The following TENM3 variants were observed in gnomAD, a reference collection of about 807,000 sequenced individuals.
TENM3 encodes teneurin transmembrane protein 3, also known as teneurin-3.
TENM3 carries 63 observed loss-of-function variants against 255.1 expected under a neutral mutation model. That is an observed-to-expected ratio of 0.25 (90% CI 0.20 to 0.30). TENM3 has a LOEUF of 0.30. Ranked by LOEUF, TENM3 falls within the 10% of genes least tolerant of loss-of-function variation. The probability of loss-of-function intolerance (pLI) is 1.00; values close to 1 mark genes in which losing one functional copy is unlikely to be tolerated. For synonymous variants in TENM3, 1,306 were observed against 1,322.3 expected, an observed-to-expected ratio of 0.99 and a Z score of 0.27; for missense variants, 2,929 against 3,461.1, an observed-to-expected ratio of 0.85 and a Z score of 3.86.
chr4:182,789,461 A>G lies in TENM3; in HGVS notation c.5601+72A>G. 1 of 1,410,292 alleles carries G rather than the reference A, an allele frequency of 7.1e-7. No homozygotes were observed. Among genetic ancestry groups the G allele is most frequent in the Non-Finnish European group, 9.6e-7 (1 of 1,041,342 alleles). The allele number at this position is 1,410,292 out of a possible 1,614,324, so 87.4% of individuals were successfully genotyped here. ...TTTTTCAGCAATCATCCAGAGCACT[A>G]AGGGGAAAAAAAACAGTGGCACATG... On this transcript the variant is annotated intron_variant, in intron 25 of 27. Coordinates refer to ENST00000511685, the MANE Select transcript of TENM3 (RefSeq NM_001080477.4). The surrounding 1 kb of genome is among the most constrained non-coding windows in gnomAD (Gnocchi z 4.4).
chr4:182,725,591 G>T (rs1323379009), intron 13 of TENM3, among the ~76,000 whole-genome samples: 2 of 150,170 alleles, frequency 1.3e-5, no homozygotes, highest in Admixed American at 6.6e-5. Context: ...AAATTTATAT[G>T]AAATTTCCAA....
the TENM3 span, among the ~76,000 whole-genome samples, chr4:181,896,154 A>C: frequency 3.3e-5 from 5 of 152,194 alleles, no homozygotes. Context: ...TCCATGGAAG[A>C]GAGCAGGCCC....
chr4:181,853,349 C>T, the TENM3 span, among the ~76,000 whole-genome samples: 3 of 152,280 alleles, frequency 2.0e-5, no homozygotes, highest in Middle Eastern at 3.4e-3. Context: ...TAAACTTTTA[C>T]GTTGCCAAAC....
the TENM3 span, among the ~76,000 whole-genome samples, chr4:181,853,381 C>T: frequency 6.6e-6 from 1 of 152,102 alleles, no homozygotes; most frequent in Non-Finnish European, 1.5e-5. Flanking sequence ...ATGAAATTCT[C>T]AAAACTATAT....
intron 22 of TENM3, among the ~76,000 whole-genome samples, chr4:182,764,847 C>A (rs1763545535): frequency 1.3e-5 from 2 of 152,194 alleles, no homozygotes; most frequent in African/African-American, 4.8e-5. Context: ...GCAACATAGC[C>A]AATCTGGTGA....
At chr4:182,173,826 A>G (rs1752265291) in intron 1 of TENM3, among the ~76,000 whole-genome samples, 1 of 152,200 alleles carries the variant, frequency 6.6e-6, no homozygotes, top group Admixed American at 6.5e-5. Context: ...TATCTCCAGG[A>G]GGTTTAAAGA....
At chr4:182,692,152 T>A (rs1757056161) in intron 12 of TENM3, among the ~76,000 whole-genome samples, 1 of 152,220 alleles carries the variant, frequency 6.6e-6, no homozygotes, top group Non-Finnish European at 1.5e-5. Context: ...TTGAGGTAGG[T>A]CAGAGAAATT....
chr4:182,533,238 G>A (rs942234884), intron 3 of TENM3, among the ~76,000 whole-genome samples: 24 of 152,110 alleles, frequency 1.6e-4, no homozygotes, highest in African/African-American at 5.8e-4. Flanking sequence ...ATGAATAGGG[G>A]TCTGCAATCT....
At chr4:182,482,511 A>G (rs1734297095) in intron 3 of TENM3, among the ~76,000 whole-genome samples, 1 of 152,200 alleles carries the variant, frequency 6.6e-6, no homozygotes, top group Non-Finnish European at 1.5e-5. Flanking sequence ...TATCAATATG[A>G]TTAAATTTTG....
chr4:182,051,069 C>T, the TENM3 span, among the ~76,000 whole-genome samples: 2 of 151,898 alleles, frequency 1.3e-5, no homozygotes, highest in Non-Finnish European at 2.9e-5. Flanking sequence ...GAAGTCTGGG[C>T]ATGGTGGCTC....
intron 1 of TENM3, among the ~76,000 whole-genome samples, chr4:182,270,543 T>A (rs1759547574): frequency 6.6e-6 from 1 of 152,202 alleles, no homozygotes; most frequent in Non-Finnish European, 1.5e-5. Flanking sequence ...CCTTCCAGTC[T>A]TGATCTGGAA....
chr4:181,812,045 A>G, the TENM3 span, among the ~76,000 whole-genome samples: 1 of 152,162 alleles, frequency 6.6e-6, no homozygotes, highest in Non-Finnish European at 1.5e-5. Context: ...GAGTTAACAC[A>G]TTTTTTTAAT....
chr4:182,237,112 TG>T (rs1756943479), intron 1 of TENM3, among the ~76,000 whole-genome samples: 1 of 152,196 alleles, frequency 6.6e-6, no homozygotes, highest in Non-Finnish European at 1.5e-5. Flanking sequence ...TTTGGTTTTT[TG>T]TTCCTGTGTT....
chr4:181,707,890 G>T, the TENM3 span, among the ~76,000 whole-genome samples: 1 of 151,992 alleles, frequency 6.6e-6, no homozygotes, highest in African/African-American at 2.4e-5. Flanking sequence ...TTCATAAAAG[G>T]ATACAGAAAA....
intron 3 of TENM3, among the ~76,000 whole-genome samples, chr4:182,512,373 G>A (rs942919181): frequency 2.6e-5 from 4 of 152,182 alleles, no homozygotes; most frequent in African/African-American, 7.2e-5. Flanking sequence ...GAGTTACCAC[G>A]TGGAAAGTTG....
At chr4:181,863,728 A>G in the TENM3 span, among the ~76,000 whole-genome samples, 1 of 152,012 alleles carries the variant, frequency 6.6e-6, no homozygotes. Context: ...GCTAACTTCC[A>G]TCTCTTTATG....
chr4:181,574,460 G>A, the TENM3 span, among the ~76,000 whole-genome samples: 4,807 of 151,814 alleles, frequency 0.032, 103 homozygotes, highest in Non-Finnish European at 0.052. Context: ...GAACCCGGGA[G>A]GCGGAGCTTG....
At chr4:182,506,246 T>C (rs1736806442) in intron 3 of TENM3, among the ~76,000 whole-genome samples, 1 of 152,216 alleles carries the variant, frequency 6.6e-6, no homozygotes. Flanking sequence ...TTTGTTTTTG[T>C]TCTGAAGACG....
the TENM3 span, among the ~76,000 whole-genome samples, chr4:182,019,157 G>A: frequency 6.6e-6 from 1 of 152,148 alleles, no homozygotes; most frequent in African/African-American, 2.4e-5. Flanking sequence ...CCCTTTAGTG[G>A]ATATTGTGTC....
Sources: gnomAD v4.1 joint callset for allele counts (sites outside exome capture counted in the v4.1 genomes callset) on GRCh38, gnomAD v4.1.1 for gene constraint, Gnocchi (gnomAD v3.1) non-coding constraint, MANE v1.5 for transcripts, NCBI Gene and HGNC (gene_info 2026-07-23, HGNC 2026-07-21) for gene names.